SFMBT2: variants seen among roughly 807,000 people sequenced by gnomAD.
The protein encoded by SFMBT2 is Scm like with four mbt domains 2, also known as scm-like with four MBT domains protein 2.
A neutral mutation model predicts 110.1 loss-of-function variants in SFMBT2; 38 were observed. That is an observed-to-expected ratio of 0.35 (90% CI 0.27 to 0.45). The LOEUF (loss-of-function observed/expected upper bound fraction) is 0.45. Ranked by LOEUF, SFMBT2 falls within the 20% of genes least tolerant of loss-of-function variation. SFMBT2 has a pLI of 1.00. For synonymous variants in SFMBT2, 425 were observed against 425.4 expected (o/e 1.00, Z 0.01); for missense variants, 1,011 against 1,094.9 (o/e 0.92, Z 1.08).
At chr10:7,384,675 G>T (rs745993206) in intron 1 of SFMBT2, among the ~76,000 whole-genome samples, 2 of 152,082 alleles carry the variant, frequency 1.3e-5, no homozygotes, top group African/African-American at 4.8e-5. Flanking sequence ...TGTTGTTAAC[G>T]GAGGACATTG....
intron 1 of SFMBT2, among the ~76,000 whole-genome samples, chr10:7,398,453 T>C (rs1293570195): frequency 6.6e-6 from 1 of 152,250 alleles, no homozygotes; most frequent in Admixed American, 6.5e-5. Flanking sequence ...GATGAAGTTT[T>C]ACAATACCCA....
intron 4 of SFMBT2, among the ~76,000 whole-genome samples, chr10:7,356,110 T>C (rs1033372393): frequency 6.6e-6 from 1 of 152,168 alleles, no homozygotes; most frequent in Non-Finnish European, 1.5e-5. Context: ...GATGTGTAGG[T>C]ACAGGGTGCT....
chr10:7,379,711 C>T (rs553121300), intron 2 of SFMBT2, among the ~76,000 whole-genome samples: 39 of 152,136 alleles, frequency 2.6e-4, no homozygotes, highest in Non-Finnish European at 5.1e-4. Context: ...ATAGTATTTC[C>T]ATTAAAGATC....
At chr10:7,213,016 T>C (rs1839402112) in intron 11 of SFMBT2, among the ~76,000 whole-genome samples, 1 of 150,788 alleles carries the variant, frequency 6.6e-6, no homozygotes. Flanking sequence ...CACTCATAAG[T>C]GGAAGCTGAA....
intron 20 of SFMBT2, among the ~76,000 whole-genome samples, chr10:7,166,571 G>A (rs1588756303): frequency 6.6e-6 from 1 of 152,178 alleles, no homozygotes; most frequent in Non-Finnish European, 1.5e-5. Flanking sequence ...CAAAGGAAAG[G>A]TTCCCTCTCT....
intron 7 of SFMBT2, among the ~76,000 whole-genome samples, chr10:7,263,170 TCA>T (rs2131780125): frequency 6.6e-6 from 1 of 152,200 alleles, no homozygotes; most frequent in South Asian, 2.1e-4. Context: ...GGCACCGAGA[TCA>T]CAGAGGGACA....
intron 7 of SFMBT2, among the ~76,000 whole-genome samples, chr10:7,266,750 G>A (rs942832867): frequency 4.6e-5 from 7 of 152,240 alleles, no homozygotes; most frequent in African/African-American, 1.7e-4. Context: ...CCATGGGACA[G>A]AGATGGTGGC....
chr10:7,170,101 A>G lies in SFMBT2; in HGVS notation c.2544+827T>C, dbSNP rs1837826290. ...GGCCTAAGTAAGATCCATGGGCATTATATACAAATTCACAAACAGAAGACT... is the reference window on the plus strand; with the variant it reads ...GGCCTAAGTAAGATCCATGGGCATTGTATACAAATTCACAAACAGAAGACT... On this transcript the variant is annotated intron_variant, in intron 20 of 20. Coordinates refer to ENST00000397167, the MANE Select transcript of SFMBT2 (RefSeq NM_001387889.1). This position sits in a 1 kb window ranked among gnomAD's most constrained non-coding sequence, Gnocchi z 4.6. 6.6e-6 allele frequency among the ~76,000 whole-genome samples: 1 copy of G among 152,112 alleles called. No individual in the cohort carries two copies. Among genetic ancestry groups the G allele is most frequent in the African/African-American group, 2.4e-5 (1 of 41,430 alleles).
At chr10:7,391,215 C>G (rs1256846921) in intron 1 of SFMBT2, among the ~76,000 whole-genome samples, 1 of 152,062 alleles carries the variant, frequency 6.6e-6, no homozygotes, top group African/African-American at 2.4e-5. Context: ...CGCCTGTAAT[C>G]CCAGCACTTT....
chr10:7,309,119 A>T (rs1842778013), intron 4 of SFMBT2, among the ~76,000 whole-genome samples: 1 of 152,194 alleles, frequency 6.6e-6, no homozygotes, highest in Admixed American at 6.5e-5. Flanking sequence ...GAAATTGTAG[A>T]CTGAGTAAAG....
chr10:7,410,010 C>T (rs1263702800), intron 1 of SFMBT2, among the ~76,000 whole-genome samples: 1 of 152,006 alleles, frequency 6.6e-6, no homozygotes, highest in East Asian at 1.9e-4. Context: ...CTCGCAGTTC[C>T]TACAGTTGCA....
At chr10:7,243,760 T>A in intron 8 of SFMBT2, 55 bp from the exon 9 acceptor site, 1 of 808,376 alleles carries the variant, frequency 1.2e-6, no homozygotes, top group East Asian at 2.5e-5. Flanking sequence ...TTACATATAA[T>A]GCTAGTATAA....
At chr10:7,272,585 G>A (rs1044584730) in intron 7 of SFMBT2, among the ~76,000 whole-genome samples, 1 of 152,136 alleles carries the variant, frequency 6.6e-6, no homozygotes, top group Non-Finnish European at 1.5e-5. Flanking sequence ...ACAGGCTGGG[G>A]CAGGAACCAA....
chr10:7,330,081 T>C (rs1489375810), intron 4 of SFMBT2, among the ~76,000 whole-genome samples: 1 of 152,138 alleles, frequency 6.6e-6, no homozygotes, highest in East Asian at 1.9e-4. Context: ...TGGGAACCCT[T>C]CTCGGCTGCT....
At chr10:7,370,836 T>C in intron 2 of SFMBT2, 1 of 978,432 alleles carries the variant, frequency 1.0e-6, no homozygotes, top group East Asian at 1.1e-4. Context: ...TCTGGCATCA[T>C]TTTAAGGGGA....
chr10:7,339,664 A>G (rs1466358318), intron 4 of SFMBT2, among the ~76,000 whole-genome samples: 4 of 152,202 alleles, frequency 2.6e-5, no homozygotes, highest in Non-Finnish European at 4.4e-5. Flanking sequence ...CAGATTTCAC[A>G]GGGACTGAAG....
upstream of SFMBT2, among the ~76,000 whole-genome samples, chr10:7,411,065 CTT>C (rs766788794): frequency 0.04 from 2,136 of 53,786 alleles, 95 homozygotes; most frequent in African/African-American, 0.18. Context: ...GCTCGGCGCT[CTT>C]TTTTTTTTTT....
chr10:7,200,634 G>GT (rs1192323561), intron 13 of SFMBT2, 150 bp from the exon 14 acceptor site: 1 of 558,228 alleles, frequency 1.8e-6, no homozygotes, highest in African/African-American at 2.0e-5. Flanking sequence ...AGCAATGCCA[G>GT]TAAGACCAGA....
intron 1 of SFMBT2, among the ~76,000 whole-genome samples, chr10:7,390,463 T>C (rs1171151994): frequency 6.6e-6 from 1 of 152,238 alleles, no homozygotes; most frequent in African/African-American, 2.4e-5. Flanking sequence ...TTAAATCAGC[T>C]GCATTTTTAT....
Sources: gnomAD v4.1 joint callset for allele counts (sites outside exome capture counted in the v4.1 genomes callset) on GRCh38, gnomAD v4.1.1 for gene constraint, Gnocchi (gnomAD v3.1) non-coding constraint, MANE v1.5 for transcripts, NCBI Gene and HGNC (gene_info 2026-07-23, HGNC 2026-07-21) for gene names.